KIF20B: variants seen among roughly 807,000 people sequenced by gnomAD.
KIF20B encodes kinesin family member 20B, also known as kinesin-like protein KIF20B.
KIF20B carries 188 observed loss-of-function variants against 232.5 expected under a neutral mutation model. The observed-to-expected ratio is 0.81, with a 90% CI of 0.72 to 0.91. The LOEUF (loss-of-function observed/expected upper bound fraction) is 0.91. KIF20B is among the 40% of genes least tolerant of loss of function. The pLI is 0.00. For synonymous variants in KIF20B, 712 were observed against 683.0 expected (o/e 1.04, Z -0.66); for missense variants, 2,154 against 2,055.9 (o/e 1.05, Z -0.92).
Position 89,738,074 on chromosome 10 carries a change from T to A in KIF20B, c.3233T>A (p.Ile1078Asn), listed in dbSNP as rs762140094. ...VKASSKKSHQ[I>N]EELEQQIEKL... ...GCCTCTTCCAAAAAAAGTCATCAGA[T>A]TGAGGAACTGGAACAACAAATTGAA... is the stretch of plus-strand genomic sequence containing the variant. Residue 1078 changes from isoleucine (I) to asparagine (N), a missense_variant, in exon 20 of 33, where the codon ATT becomes AAT. Physicochemically the swap from Ile to Asn is moderately radical, Grantham distance 149 (BLOSUM62 -3). Transcript: ENST00000371728. 6.2e-6 allele frequency: 10 copies of A among 1,612,918 alleles called. No individual in the cohort carries two copies. The Admixed American group carries it at 1.0e-4, about 16-fold the overall frequency.
intron 21 of KIF20B, among the ~76,000 whole-genome samples, chr10:89,742,448 A>G (rs1054548745): frequency 4.6e-5 from 7 of 152,212 alleles, no homozygotes; most frequent in Non-Finnish European, 1.0e-4. Flanking sequence ...AGTAAGTGCT[A>G]GAGCCAGAAT....
Position 89,726,381 on chromosome 10 carries a change from A to ACT in KIF20B, c.2091_2092dup (p.Leu698SerfsTer17), listed in dbSNP as rs1377296961. ...ATTAAGAAACAGGCTGAAATTGCTC[A>ACT]CTTATATATTGCATCTCTTCCTGAC... On this transcript the variant is annotated frameshift_variant, in exon 16 of 33. Transcript: ENST00000371728. LOFTEE classifies it high-confidence loss of function. The ACT allele has an allele frequency of 1.9e-6, 3 of 1,570,248 alleles. No homozygotes were observed. Among genetic ancestry groups the ACT allele is most frequent in the Non-Finnish European group, 2.6e-6 (3 of 1,155,460 alleles).
In KIF20B at chr10:89,716,425, A is replaced by G. The variant is rs763589685; in HGVS notation, c.941-11A>G. On this transcript the variant is annotated splice_polypyrimidine_tract_variant and intron_variant, in intron 8 of 32. Coordinates refer to ENST00000371728, the MANE Select transcript of KIF20B (RefSeq NM_001284259.2). ...CAATAAATTAATATATATCCTCTTT[A>G]TTTTTTAAAGATCTACAATGGATTC... 4 of 1,175,876 alleles carry G rather than the reference A, an allele frequency of 3.4e-6. No individual in the cohort carries two copies. Among genetic ancestry groups the G allele is most frequent in the Non-Finnish European group, 4.9e-6 (4 of 811,216 alleles). The allele number at this position is 1,175,876 out of a possible 1,614,324, so 72.8% of individuals were successfully genotyped here.
At chr10:89,710,215 G>GTTTTTTTT in intron 5 of KIF20B, 150 bp downstream of exon 5, 1 of 282,746 alleles carries the variant, frequency 3.5e-6, no homozygotes, top group South Asian at 5.9e-5. Context: ...ACGTATTGCT[G>GTTTTTTTT]TTTTTTTTTT....
chr10:89,746,199 G>A (rs533115254), intron 23 of KIF20B, among the ~76,000 whole-genome samples: 25 of 152,342 alleles, frequency 1.6e-4, no homozygotes, highest in Non-Finnish European at 3.1e-4. Flanking sequence ...CAGCCTAGCC[G>A]TCCACAGGCG....
chr10:89,754,725 T>A (rs761997244), intron 26 of KIF20B, 52 bp downstream of exon 26: 1 of 1,318,774 alleles, frequency 7.6e-7, no homozygotes, highest in South Asian at 2.0e-5. Context: ...CTTGGTGTGT[T>A]AAATGTATTG....
chr10:89,721,727 T>C (rs1356544260), intron 13 of KIF20B, among the ~76,000 whole-genome samples: 1 of 151,834 alleles, frequency 6.6e-6, no homozygotes, highest in Non-Finnish European at 1.5e-5. Flanking sequence ...AAAGTTGAAA[T>C]TTTTGTATAA....
At position 89,717,700 on chromosome 10, in the gene KIF20B, T is replaced by C; in HGVS notation, c.1249T>C (p.Leu417=). ...LLTLGKCINV[L]KNSEKSKFQQ... The stretch of plus-strand genomic sequence containing the variant: ...GACTCTGGGAAAGTGTATTAACGTC[T>C]TGAAGAATAGTGAAAAGTCAAAGTA... The change falls in exon 11 of 33, where the codon TTG becomes CTG. Residue 417 remains leucine (L), a synonymous_variant. Transcript: ENST00000371728. 1.2e-6 allele frequency: 2 copies of C among 1,600,116 alleles called. 1 individual carries two copies.
rs199753367 is a variant in KIF20B at position 89,709,149 on chromosome 10, T to C, written c.148-18T>C. 1.3e-6 allele frequency: 2 copies of C among 1,551,550 alleles called. No homozygotes were observed. The highest frequency in any genetic ancestry group is 2.3e-5 in the East Asian group (1 of 44,358). On this transcript the variant is annotated intron_variant, in intron 2 of 32. Coordinates refer to ENST00000371728, the MANE Select transcript of KIF20B (RefSeq NM_001284259.2). ...GTATCTTTCAAAAACACAATGTTTT[T>C]CTCCTTTATTTTTTAAGGCAAACAG...
intron 14 of KIF20B, 64 bp from the exon 15 acceptor site, chr10:89,724,956 T>G: frequency 6.6e-7 from 1 of 1,520,420 alleles, no homozygotes; most frequent in Non-Finnish European, 9.0e-7. Flanking sequence ...ACTTAGATGT[T>G]TAAAACAAAA....
At chr10:89,742,484 A>G (rs1439633371) in intron 21 of KIF20B, among the ~76,000 whole-genome samples, 1 of 152,190 alleles carries the variant, frequency 6.6e-6, no homozygotes, top group Non-Finnish European at 1.5e-5. Flanking sequence ...CCTTACATGC[A>G]TCTTTGTGCA....
intron 2 of KIF20B, among the ~76,000 whole-genome samples, chr10:89,705,989 T>C (rs1842714980): frequency 6.6e-6 from 1 of 152,220 alleles, no homozygotes; most frequent in South Asian, 2.1e-4. Context: ...TGAACATTCA[T>C]GTGCAAGCCT....
rs1157966521 is a variant in KIF20B, at chr10:89,772,357, G to A, written c.5243-332G>A. 7.9e-5 allele frequency among the ~76,000 whole-genome samples: 12 copies of A among 151,948 alleles called. 1 individual carries two copies. Among genetic ancestry groups the A allele is most frequent in the Admixed American group, 7.9e-4 (12 of 15,222 alleles). On this transcript the variant is annotated intron_variant, in intron 31 of 32. Transcript: ENST00000371728. ...TTTTTAATGCTGCATGATCCACTAT[G>A]TATATATCCTGCTCTTTTGCTTAAC...
intron 31 of KIF20B, 65 bp from the exon 32 acceptor site, chr10:89,772,624 G>A: frequency 1.0e-6 from 1 of 998,904 alleles, no homozygotes; most frequent in South Asian, 1.8e-5. Context: ...CTTTATTAAG[G>A]ATTTCAAATC....
chr10:89,720,780 A>G (rs1843039446), intron 13 of KIF20B, among the ~76,000 whole-genome samples: 4 of 152,130 alleles, frequency 2.6e-5, no homozygotes, highest in Non-Finnish European at 5.9e-5. Flanking sequence ...ATCTCGGCTT[A>G]CTGCAACCTC....
intron 1 of KIF20B, among the ~76,000 whole-genome samples, chr10:89,703,681 A>C (rs565117774): frequency 2.8e-4 from 42 of 151,790 alleles, no homozygotes; most frequent in Non-Finnish European, 5.0e-4. Flanking sequence ...GGCTAAAAAT[A>C]TGCTTATTTT....
At chr10:89,725,317 G>A (rs989660442) in intron 15 of KIF20B, among the ~76,000 whole-genome samples, 159 bp downstream of exon 15, 1 of 151,924 alleles carries the variant, frequency 6.6e-6, no homozygotes, top group Non-Finnish European at 1.5e-5. Context: ...GAAGTGTAAG[G>A]CACCAAGAAT....
chr10:89,710,980 C>T lies in KIF20B; in HGVS notation c.510C>T (p.Gly170=). The T allele has an allele frequency of 1.2e-6, 2 of 1,604,916 alleles. No homozygotes were observed. Among genetic ancestry groups the T allele is most frequent in the Non-Finnish European group, 8.5e-7 (1 of 1,177,224 alleles). The part of the protein sequence containing the change: ...YTFQGTEENI[G]ILPRTLNVLF... ...TTGCAGGGACAGAAGAAAATATTGG[C>T]ATTCTGCCTCGAACTTTGAATGTAT... is the stretch of plus-strand genomic sequence containing the variant. The change falls in exon 6 of 33, where the codon GGC becomes GGT. Residue 170 remains glycine, a synonymous_variant. Transcript: ENST00000371728.
At chr10:89,740,310 A>C (rs979356037) in intron 21 of KIF20B, among the ~76,000 whole-genome samples, 1 of 150,448 alleles carries the variant, frequency 6.6e-6, no homozygotes, top group African/African-American at 2.5e-5. Flanking sequence ...ATTATAAAGG[A>C]TACAACTCAA....
Sources: gnomAD v4.1 joint callset for allele counts (sites outside exome capture counted in the v4.1 genomes callset) on GRCh38, gnomAD v4.1.1 for gene constraint, MANE v1.5 for transcripts, NCBI Gene and HGNC (gene_info 2026-07-23, HGNC 2026-07-21) for gene names.